Variants in KCNJ6 observed in about 807,000 individuals in gnomAD.
KCNJ6 encodes potassium inwardly rectifying channel subfamily J member 6.
Under a neutral mutation model 34.2 loss-of-function variants are expected in KCNJ6, and 9 were observed. That is an observed-to-expected ratio of 0.26 (90% CI 0.16 to 0.46). KCNJ6 has a LOEUF of 0.46. Ranked by LOEUF, KCNJ6 falls within the 20% of genes least tolerant of loss-of-function variation. The pLI, the probability that KCNJ6 is intolerant of heterozygous loss-of-function variation, is 1.00. For missense variants in KCNJ6, 236 were observed against 531.3 expected, an observed-to-expected ratio of 0.44 and a Z score of 5.46; for synonymous variants, 196 against 207.1, an observed-to-expected ratio of 0.95 and a Z score of 0.46.
At chr21:37,877,425 G>A (rs1270730532) in intron 1 of KCNJ6, among the ~76,000 whole-genome samples, 1 of 152,048 alleles carries the variant, frequency 6.6e-6, no homozygotes, top group Admixed American at 6.5e-5. Flanking sequence ...ATGTGCAGAG[G>A]GAAAGAATCA....
intron 3 of KCNJ6, among the ~76,000 whole-genome samples, chr21:37,627,618 A>G (rs1472912934): frequency 1.3e-5 from 2 of 152,228 alleles, no homozygotes; most frequent in South Asian, 2.1e-4. Flanking sequence ...CAAGCTAATC[A>G]AAGAACAAAA....
chr21:37,878,816 C>A (rs2055692149), intron 1 of KCNJ6, among the ~76,000 whole-genome samples: 2 of 152,134 alleles, frequency 1.3e-5, no homozygotes, highest in South Asian at 2.1e-4. Flanking sequence ...CATGTGACGA[C>A]CAGCACTCAC....
chr21:37,702,866 C>A (rs180997478), intron 3 of KCNJ6, among the ~76,000 whole-genome samples: 3 of 151,978 alleles, frequency 2.0e-5, no homozygotes, highest in Non-Finnish European at 4.4e-5. Flanking sequence ...AGGGAGGCTG[C>A]GGTCAAGTGC....
chr21:37,788,191 C>A (rs1007976161), intron 2 of KCNJ6, among the ~76,000 whole-genome samples: 2 of 152,122 alleles, frequency 1.3e-5, no homozygotes, highest in Non-Finnish European at 2.9e-5. Context: ...TACTTTTAGA[C>A]AAATTATATT....
At chr21:37,809,461 C>A (rs1437199018) in intron 2 of KCNJ6, among the ~76,000 whole-genome samples, 1 of 151,710 alleles carries the variant, frequency 6.6e-6, no homozygotes, top group Non-Finnish European at 1.5e-5. Context: ...ACCAACATGG[C>A]ACATGTATAC....
At chr21:37,856,500 G>T (rs182899512) in intron 1 of KCNJ6, among the ~76,000 whole-genome samples, 65 of 152,278 alleles carry the variant, frequency 4.3e-4, no homozygotes, top group African/African-American at 1.5e-3. Context: ...TGATGAGCAA[G>T]TCAAGACTGT....
At position 37,884,831 on chromosome 21, in the gene KCNJ6, C is replaced by T. The variant is rs142804106; in HGVS notation, c.-28+31053G>A. Among the ~76,000 whole-genome samples, 3 of 152,266 alleles carry T rather than the reference C, an allele frequency of 2.0e-5. No homozygotes were observed. The East Asian group carries it at 5.8e-4, about 29-fold the overall frequency. Reference sequence around the variant, plus strand: ...AACCAAGCTAGGCTACTTATGGGTCCTAAATAATGTGCGTCTCACTTCTAC... The same window carrying T: ...AACCAAGCTAGGCTACTTATGGGTCTTAAATAATGTGCGTCTCACTTCTAC... On this transcript the variant is annotated intron_variant, in intron 1 of 3. Transcript: ENST00000609713.
In KCNJ6 at chr21:37,714,193, G is replaced by T. The variant is rs757169708; in HGVS notation, c.946+18C>A. 6.3e-7 allele frequency: 1 copy of T among 1,584,342 alleles called. No individual in the cohort carries two copies. Among genetic ancestry groups the T allele is most frequent in the South Asian group, 1.1e-5 (1 of 89,094 alleles). Reference sequence around the variant, plus strand: ...GAGCATCTATCCCACAGCCATCCCAGGATAGAACACATCTTACCTGTGGCT... The same window carrying T: ...GAGCATCTATCCCACAGCCATCCCATGATAGAACACATCTTACCTGTGGCT... On this transcript the variant is annotated intron_variant, in intron 3 of 3. Coordinates refer to ENST00000609713, the MANE Select transcript of KCNJ6 (RefSeq NM_002240.5). This position sits in a 1 kb window ranked among gnomAD's most constrained non-coding sequence, Gnocchi z 5.9.
At chr21:37,837,733 G>C (rs542227120) in intron 2 of KCNJ6, among the ~76,000 whole-genome samples, 2 of 150,808 alleles carry the variant, frequency 1.3e-5, no homozygotes, top group Non-Finnish European at 2.9e-5. Flanking sequence ...TTTTCTTCCA[G>C]AGTGTGGCCA....
intron 3 of KCNJ6, among the ~76,000 whole-genome samples, chr21:37,630,632 A>G (rs888960364): frequency 2.0e-5 from 3 of 152,216 alleles, no homozygotes; most frequent in African/African-American, 7.2e-5. Flanking sequence ...GAAAATTACA[A>G]AATGTCTTAC....
At position 37,783,720 on chromosome 21, in the gene KCNJ6, T is replaced by C. The variant is rs879637469; in HGVS notation, c.25+56938A>G. The stretch of plus-strand genomic sequence containing the variant: ...TGAATTGAATGTTCAAATTCATATG[T>C]TGAAGCTCTAACCTCCAGTGTGGCT... On this transcript the variant is annotated intron_variant, in intron 2 of 3. Transcript: ENST00000609713. Among the ~76,000 whole-genome samples the C allele has an allele frequency of 5.9e-5, 9 of 152,332 alleles. 1 individual carries two copies. Among genetic ancestry groups the C allele is most frequent in the Non-Finnish European group, 1.2e-4 (8 of 68,024 alleles).
chr21:37,875,522 C>T (rs901344176), intron 1 of KCNJ6, among the ~76,000 whole-genome samples: 4 of 152,314 alleles, frequency 2.6e-5, no homozygotes, highest in Middle Eastern at 3.4e-3. Flanking sequence ...TGGCTTCTAC[C>T]CTAGGGTTCC....
intron 1 of KCNJ6, among the ~76,000 whole-genome samples, chr21:37,869,758 T>A (rs1336621838): frequency 6.6e-6 from 1 of 152,222 alleles, no homozygotes; most frequent in South Asian, 2.1e-4. Context: ...CAAAATCCTA[T>A]TTAGGCTCCT....
At chr21:37,745,881 G>A (rs540979533) in intron 2 of KCNJ6, among the ~76,000 whole-genome samples, 37 of 152,280 alleles carry the variant, frequency 2.4e-4, no homozygotes, top group African/African-American at 7.9e-4. Flanking sequence ...TGTTCGCTGG[G>A]GCAGCCGTGA....
intron 3 of KCNJ6, among the ~76,000 whole-genome samples, chr21:37,706,469 C>G (rs1410875641): frequency 3.3e-5 from 5 of 152,204 alleles, no homozygotes; most frequent in African/African-American, 9.6e-5. Flanking sequence ...GAGTGTTTGG[C>G]CCTGTCTCTT....
At chr21:37,736,800 A>G (rs1337654214) in intron 2 of KCNJ6, among the ~76,000 whole-genome samples, 1 of 152,194 alleles carries the variant, frequency 6.6e-6, no homozygotes, top group Non-Finnish European at 1.5e-5. Context: ...AGGTTGGAAC[A>G]TCTGGCAAGC....
intron 3 of KCNJ6, among the ~76,000 whole-genome samples, chr21:37,688,668 G>A (rs1226354051): frequency 6.6e-6 from 1 of 152,138 alleles, no homozygotes; most frequent in Non-Finnish European, 1.5e-5. Context: ...CTGTGATATC[G>A]GACTCAATGA....
chr21:37,915,170 T>C (rs1422087339), intron 1 of KCNJ6, among the ~76,000 whole-genome samples: 1 of 152,132 alleles, frequency 6.6e-6, no homozygotes, highest in African/African-American at 2.4e-5. Context: ...TTGATGAAAA[T>C]GAAAATATAT....
chr21:37,755,680 C>T (rs1033027715), intron 2 of KCNJ6, among the ~76,000 whole-genome samples: 1 of 152,218 alleles, frequency 6.6e-6, no homozygotes, highest in Non-Finnish European at 1.5e-5. Flanking sequence ...AGCAAGGGAG[C>T]ATGGCTGAGT....
Sources: gnomAD v4.1 joint callset for allele counts (sites outside exome capture counted in the v4.1 genomes callset) on GRCh38, gnomAD v4.1.1 for gene constraint, Gnocchi (gnomAD v3.1) non-coding constraint, MANE v1.5 for transcripts, NCBI Gene and HGNC (gene_info 2026-07-23, HGNC 2026-07-21) for gene names.